The following RXFP1 variants were observed in gnomAD, a reference collection of about 807,000 sequenced individuals.
RXFP1 encodes relaxin family peptide receptor 1.
RXFP1 carries 73 observed loss-of-function variants against 89.8 expected under a neutral mutation model. The observed-to-expected ratio is 0.81, with a 90% CI of 0.67 to 0.99. The LOEUF is 0.99. Ranked by LOEUF, RXFP1 falls within the 50% of genes least tolerant of loss-of-function variation. The pLI is 0.00. For synonymous variants in RXFP1, 277 were observed against 305.5 expected (o/e 0.91, Z 0.97); for missense variants, 793 against 895.5 (o/e 0.89, Z 1.46).
intron 1 of RXFP1, among the ~76,000 whole-genome samples, chr4:158,569,974 T>G (rs1274697620): frequency 6.6e-6 from 1 of 152,218 alleles, no homozygotes; most frequent in African/African-American, 2.4e-5. Context: ...CTTATAGTGC[T>G]CTTCATTCTA....
chr4:158,647,599 A>G (rs1022419998), intron 16 of RXFP1, among the ~76,000 whole-genome samples: 2 of 152,188 alleles, frequency 1.3e-5, no homozygotes, highest in Non-Finnish European at 2.9e-5. Context: ...GCCAGGCACA[A>G]TGGCTTGTGC....
chr4:158,567,048 C>A (rs1313196169), intron 1 of RXFP1, among the ~76,000 whole-genome samples: 1 of 152,218 alleles, frequency 6.6e-6, no homozygotes, highest in Non-Finnish European at 1.5e-5. Context: ...GGCCGGCCGG[C>A]CCGCCAGTCA....
At chr4:158,633,265 T>A (rs1042113091) in intron 11 of RXFP1, 140 bp from the exon 12 acceptor site, 39 of 575,464 alleles carry the variant, frequency 6.8e-5, no homozygotes, top group Non-Finnish European at 8.1e-5. Context: ...GCTCCTTTTT[T>A]AAATTTTTAG....
At chr4:158,569,223 C>G (rs946385202) in intron 1 of RXFP1, among the ~76,000 whole-genome samples, 5 of 152,130 alleles carry the variant, frequency 3.3e-5, no homozygotes, top group Non-Finnish European at 7.4e-5. Context: ...AAAAGGCTAC[C>G]TACTGCATGA....
At position 158,527,107 on chromosome 4, in the gene RXFP1, A is replaced by T. The variant is rs1370178616; in HGVS notation, c.49+5082A>T. 3.9e-5 allele frequency among the ~76,000 whole-genome samples: 6 copies of T among 152,232 alleles called. No individual in the cohort carries two copies. In the East Asian group the frequency reaches 1.2e-3, roughly 29 times the overall value. ...ATTAGCTACAAATGAAACAGCAGAT[A>T]ATCTGATACATTCTTTAATAGTAAG... On this transcript the variant is annotated intron_variant, in intron 1 of 17. Transcript: ENST00000307765.
chr4:158,607,979 C>G lies in RXFP1; in HGVS notation c.472C>G (p.Gln158Glu). ...TAATAATCATTTTCACAGGTACCTG[C>G]AAAACAATAAGATTACATCCATCTC... is the stretch of plus-strand genomic sequence containing the variant. ...NYHDLQKLYL[Q>E]NNKITSISIY... Residue 158 changes from glutamine (Q) to glutamate (E), a missense_variant, in exon 6 of 18, where the codon CAA becomes GAA. Transcript: ENST00000307765. 4.4e-6 allele frequency: 7 copies of G among 1,600,036 alleles called. No homozygotes were observed. Among genetic ancestry groups the G allele is most frequent in the Non-Finnish European group, 6.0e-6 (7 of 1,171,728 alleles).
chr4:158,620,296 A>G (rs1205659571), intron 9 of RXFP1, among the ~76,000 whole-genome samples: 2 of 152,198 alleles, frequency 1.3e-5, no homozygotes, highest in Admixed American at 1.3e-4. Flanking sequence ...AAATAAAGGC[A>G]AAACAGAATC....
chr4:158,599,394 C>T lies in RXFP1; in HGVS notation c.355C>T (p.Arg119Ter), dbSNP rs769674755. ...LELDCDETNL[R>*]AVPSVSSNVT... ...GCTTGACTGTGATGAAACCAATTTACGAGCTGTTCCATCGGTTTCTTCAAA... is the reference window on the plus strand; with the variant it reads ...GCTTGACTGTGATGAAACCAATTTATGAGCTGTTCCATCGGTTTCTTCAAA... Residue 119 changes from arginine to a stop codon, truncating the protein, a stop_gained, in exon 4 of 18, where the codon CGA becomes TGA. Coordinates refer to ENST00000307765, the MANE Select transcript of RXFP1 (RefSeq NM_021634.4). LOFTEE classifies it high-confidence loss of function. 21 of 1,613,492 alleles carry T rather than the reference C, an allele frequency of 1.3e-5. No individual in the cohort carries two copies. Among genetic ancestry groups the T allele is most frequent in the Non-Finnish European group, 1.5e-5 (18 of 1,179,710 alleles).
In RXFP1 at chr4:158,652,344, T is replaced by A. The variant is rs1425791218; in HGVS notation, c.*289T>A. 1 of 269,176 alleles carries A rather than the reference T, an allele frequency of 3.7e-6. No individual in the cohort carries two copies. The highest frequency in any genetic ancestry group is 7.0e-6 in the Non-Finnish European group (1 of 142,474). The allele number at this position is 269,176 out of a possible 1,614,324, so 16.7% of individuals were successfully genotyped here. On this transcript the variant is annotated 3_prime_UTR_variant, in exon 18 of 18. Transcript: ENST00000307765. ...CATTTATTGAGTACCCACTACTATGTGCATAGCATTGCAATATAGTCCTGG... is the reference window on the plus strand; with the variant it reads ...CATTTATTGAGTACCCACTACTATGAGCATAGCATTGCAATATAGTCCTGG...
At chr4:158,563,145 C>T (rs1239176412) in intron 1 of RXFP1, among the ~76,000 whole-genome samples, 1 of 152,150 alleles carries the variant, frequency 6.6e-6, no homozygotes, top group Non-Finnish European at 1.5e-5. Flanking sequence ...TGGGAGTAGA[C>T]TCACCCAAAA....
intron 1 of RXFP1, among the ~76,000 whole-genome samples, chr4:158,534,330 C>T (rs1354319502): frequency 6.6e-6 from 1 of 151,602 alleles, no homozygotes; most frequent in Non-Finnish European, 1.5e-5. Context: ...TCATTGCAAC[C>T]TCCACCTCCT....
chr4:158,640,317 T>A (rs1226815313), intron 14 of RXFP1, among the ~76,000 whole-genome samples: 2 of 152,214 alleles, frequency 1.3e-5, no homozygotes, highest in Non-Finnish European at 2.9e-5. Flanking sequence ...ATAGGGTGTG[T>A]TAGTCCATTT....
chr4:158,594,307 A>C (rs1216112628), intron 3 of RXFP1, among the ~76,000 whole-genome samples: 2 of 152,168 alleles, frequency 1.3e-5, no homozygotes, highest in African/African-American at 2.4e-5. Flanking sequence ...AGAAGACTGC[A>C]GTGATAACGC....
intron 1 of RXFP1, among the ~76,000 whole-genome samples, chr4:158,563,545 G>T (rs1752933211): frequency 6.8e-6 from 1 of 147,632 alleles, no homozygotes; most frequent in Admixed American, 6.8e-5. Context: ...CACCCCAACA[G>T]GAATACTGAA....
rs145714356 is a variant in RXFP1 at position 158,642,711 on chromosome 4, T to C, written c.1116-2198T>C. Among the ~76,000 whole-genome samples the C allele has an allele frequency of 8.8e-3, 1,333 of 152,296 alleles. 21 individuals are homozygous for C. The highest frequency in any genetic ancestry group is 0.03 in the African/African-American group (1,266 of 41,546). ...CATCAACACCTAGGTTGACTCCATA[T>C]CTTGGCTATTGTGAATAGTGCTGAA... On this transcript the variant is annotated intron_variant, in intron 14 of 17. Coordinates refer to ENST00000307765, the MANE Select transcript of RXFP1 (RefSeq NM_021634.4).
At chr4:158,583,722 A>G (rs1026086493) in intron 2 of RXFP1, among the ~76,000 whole-genome samples, 4 of 152,216 alleles carry the variant, frequency 2.6e-5, no homozygotes, top group Admixed American at 2.0e-4. Flanking sequence ...TTTGTGTTTT[A>G]TGATACTTAA....
At chr4:158,580,785 A>G (rs1030991436) in intron 2 of RXFP1, among the ~76,000 whole-genome samples, 2 of 152,168 alleles carry the variant, frequency 1.3e-5, no homozygotes, top group Non-Finnish European at 2.9e-5. Flanking sequence ...AGGTTTGTCT[A>G]TGCATGACTA....
At chr4:158,569,382 G>A (rs1754553455) in intron 1 of RXFP1, among the ~76,000 whole-genome samples, 1 of 152,158 alleles carries the variant, frequency 6.6e-6, no homozygotes, top group Non-Finnish European at 1.5e-5. Flanking sequence ...CAAACCCATA[G>A]AATGTATAAC....
At position 158,628,619 on chromosome 4, in the gene RXFP1, T is replaced by G; in HGVS notation, c.828-19T>G. 2 of 1,278,142 alleles carry G rather than the reference T, an allele frequency of 1.6e-6. No individual in the cohort carries two copies. Among genetic ancestry groups the G allele is most frequent in the East Asian group, 2.3e-5 (1 of 42,866 alleles). 79.2% of individuals were successfully genotyped at this position (1,278,142 alleles called of 1,614,324 possible). A position where few individuals can be genotyped will look rare whatever the true frequency, so the allele number is the denominator to read the frequency against. ...GGTTACCTAAAGAAGTTACAATGTATTTTTCTTTTTACTTTCAGAGTGATG... is the reference window on the plus strand; with the variant it reads ...GGTTACCTAAAGAAGTTACAATGTAGTTTTCTTTTTACTTTCAGAGTGATG... On this transcript the variant is annotated intron_variant, in intron 10 of 17. Coordinates refer to ENST00000307765, the MANE Select transcript of RXFP1 (RefSeq NM_021634.4).
Sources: allele counts gnomAD v4.1 joint callset (sites outside exome capture counted in the v4.1 genomes callset), GRCh38; gene constraint gnomAD v4.1.1; transcripts MANE v1.5; gene names NCBI Gene and HGNC (gene_info 2026-07-23, HGNC 2026-07-21).